The following RBFOX1 variants were observed in gnomAD, a reference collection of about 807,000 sequenced individuals.
RBFOX1 encodes RNA binding protein fox-1 homolog 1.
A neutral mutation model predicts 57.7 loss-of-function variants in RBFOX1; 8 were observed. The observed-to-expected ratio is 0.14, with a 90% CI of 0.08 to 0.25. The LOEUF (loss-of-function observed/expected upper bound fraction) is 0.25, where lower values mean the gene tolerates loss of function less well. RBFOX1 is among the 10% of genes least tolerant of loss of function. The pLI, the probability that RBFOX1 is intolerant of heterozygous loss-of-function variation, is 1.00. For missense variants in RBFOX1, 611 were observed against 548.5 expected (o/e 1.11, Z -1.14); for synonymous variants, 326 against 222.4 (o/e 1.47, Z -4.15).
chr16:7,028,047 A>G (rs11861945), intron 3 of RBFOX1, among the ~76,000 whole-genome samples: 19,815 of 152,140 alleles, frequency 0.13, 1,346 homozygotes, highest in Middle Eastern at 0.17. Context: ...AATCTCCAGC[A>G]CAGAAAGTGT....
chr16:5,448,126 G>C (rs1252994319), intron 1 of RBFOX1, among the ~76,000 whole-genome samples: 1 of 152,144 alleles, frequency 6.6e-6, no homozygotes, highest in Non-Finnish European at 1.5e-5. Flanking sequence ...TTAAATTGAG[G>C]GGTCATCTGG....
Position 7,227,493 on chromosome 16 carries a change from T to C in RBFOX1, c.27+175395T>C, listed in dbSNP as rs1195408611. 2.0e-5 allele frequency among the ~76,000 whole-genome samples: 3 copies of C among 152,312 alleles called. No homozygotes were observed. The South Asian group carries it at 6.2e-4, about 32-fold the overall frequency. On this transcript the variant is annotated intron_variant, in intron 4 of 15. Transcript: ENST00000550418. ...TTTTATTCAGGGTTATTTATCTAAC[T>C]GTCTCTACTGAAGTGGTACTTCTGC...
intron 3 of RBFOX1, among the ~76,000 whole-genome samples, chr16:6,898,991 T>C (rs1296993578): frequency 1.4e-5 from 2 of 144,430 alleles, no homozygotes; most frequent in East Asian, 2.1e-4. Flanking sequence ...TGTGTGCATA[T>C]ATATAATGCG....
At chr16:6,157,703 ATAATTATATTG>A (rs1338035106) in intron 1 of RBFOX1, among the ~76,000 whole-genome samples, 1 of 152,246 alleles carries the variant, frequency 6.6e-6, no homozygotes, top group Non-Finnish European at 1.5e-5. Flanking sequence ...AAATGCATAC[ATAATTATATTG>A]TAATTATATG....
At position 5,454,867 on chromosome 16, in the gene RBFOX1, T is replaced by TTTCC. The variant is rs1491313833; in HGVS notation, c.220-12346_220-12345insCTTC. On this transcript the variant is annotated intron_variant, in intron 1 of 2. Coordinates refer to the RBFOX1 transcript ENST00000585867. ...TTTCTTTCTTTCTTTTCTTTCTTTC[T>TTTCC]TTCTTTCTTTCTTTCTTTCTTTCTT... Among the ~76,000 whole-genome samples the TTTCC allele has an allele frequency of 6.7e-3, 346 of 51,836 alleles. 2 individuals are homozygous for TTTCC. The highest frequency in any genetic ancestry group is 7.1e-3 in the Non-Finnish European group (154 of 21,670). 34.0% of individuals were successfully genotyped at this position (51,836 alleles called of 152,430 possible).
At chr16:6,839,027 G>A (rs774594751) in intron 3 of RBFOX1, among the ~76,000 whole-genome samples, 1 of 151,446 alleles carries the variant, frequency 6.6e-6, no homozygotes, top group Non-Finnish European at 1.5e-5. Context: ...CTCTGTCGAC[G>A]AGGCTGGAGT....
intron 3 of RBFOX1, among the ~76,000 whole-genome samples, chr16:7,024,609 G>A (rs1047247529): frequency 1.3e-5 from 2 of 152,092 alleles, no homozygotes; most frequent in South Asian, 2.1e-4. Flanking sequence ...CTGTGGGGTC[G>A]CCACTCCCCT....
chr16:7,311,354 CT>C (rs1239287304), intron 4 of RBFOX1, among the ~76,000 whole-genome samples: 5 of 151,992 alleles, frequency 3.3e-5, no homozygotes, highest in African/African-American at 1.2e-4. Flanking sequence ...GATGCAATGA[CT>C]ATTTTTTTTC....
At chr16:5,896,004 A>G (rs2058155494) in intron 4 of RBFOX1, among the ~76,000 whole-genome samples, 1 of 152,214 alleles carries the variant, frequency 6.6e-6, no homozygotes, top group Non-Finnish European at 1.5e-5. Context: ...AACTTGGTGT[A>G]AAATGTTCTG....
chr16:5,889,234 C>A (rs1480356290), intron 4 of RBFOX1, among the ~76,000 whole-genome samples: 2 of 152,154 alleles, frequency 1.3e-5, no homozygotes, highest in Admixed American at 6.5e-5. Flanking sequence ...CTGATGCTCT[C>A]CCTCCCCACA....
intron 4 of RBFOX1, among the ~76,000 whole-genome samples, chr16:7,095,246 C>G (rs143756143): frequency 6.6e-6 from 1 of 152,288 alleles, no homozygotes; most frequent in African/African-American, 2.4e-5. Flanking sequence ...AAACGATTCT[C>G]CTGCCTCAGC....
intron 3 of RBFOX1, among the ~76,000 whole-genome samples, chr16:6,985,954 G>C (rs977207929): frequency 2.0e-5 from 3 of 149,824 alleles, no homozygotes; most frequent in Admixed American, 6.7e-5. Flanking sequence ...GAGTGATATA[G>C]AATAAGGCAC....
At chr16:5,766,745 G>C (rs1211824196) in intron 3 of RBFOX1, among the ~76,000 whole-genome samples, 3 of 152,028 alleles carry the variant, frequency 2.0e-5, no homozygotes, top group African/African-American at 4.8e-5. Context: ...CATGAGATTT[G>C]GGTGGGGACA....
intron 1 of RBFOX1, among the ~76,000 whole-genome samples, chr16:6,268,593 A>G (rs1420515758): frequency 1.3e-5 from 2 of 152,168 alleles, no homozygotes; most frequent in Non-Finnish European, 2.9e-5. Flanking sequence ...GAACCTGACT[A>G]TAGTTCAGTT....
intron 3 of RBFOX1, among the ~76,000 whole-genome samples, chr16:6,960,377 T>A (rs2082706550): frequency 6.6e-6 from 1 of 152,146 alleles, no homozygotes; most frequent in African/African-American, 2.4e-5. Flanking sequence ...TCTGGAAAAC[T>A]TTCTAATTTT....
chr16:7,650,559 G>T (rs567461734), intron 11 of RBFOX1, among the ~76,000 whole-genome samples: 1 of 149,514 alleles, frequency 6.7e-6, no homozygotes, highest in Non-Finnish European at 1.5e-5. Context: ...TTAACAGCAC[G>T]TGCTCCCCTC....
intron 3 of RBFOX1, among the ~76,000 whole-genome samples, chr16:6,901,665 G>A (rs11077105): frequency 0.22 from 33,863 of 152,158 alleles, 4,614 homozygotes; most frequent in Admixed American, 0.36. Flanking sequence ...AAACAGTTGA[G>A]CATACAGAAT....
chr16:7,045,296 A>G (rs924204661), intron 3 of RBFOX1, among the ~76,000 whole-genome samples: 1 of 152,150 alleles, frequency 6.6e-6, no homozygotes, highest in Non-Finnish European at 1.5e-5. Context: ...AAGAAGCAGG[A>G]TATTGTCACT....
intron 3 of RBFOX1, among the ~76,000 whole-genome samples, chr16:7,023,746 A>C (rs1292954225): frequency 6.6e-6 from 1 of 152,042 alleles, no homozygotes; most frequent in African/African-American, 2.4e-5. Flanking sequence ...ATCACTTATC[A>C]ATCCCTGTGT....
Sources: allele counts gnomAD v4.1 joint callset (sites outside exome capture counted in the v4.1 genomes callset), GRCh38; gene constraint gnomAD v4.1.1; transcripts MANE v1.5; gene names NCBI Gene and HGNC (gene_info 2026-07-23, HGNC 2026-07-21).